Variants in GPATCH2L observed in about 807,000 individuals in gnomAD.
GPATCH2L encodes the protein G patch domain-containing protein 2-like.
A neutral mutation model predicts 57.4 loss-of-function variants in GPATCH2L; 31 were observed. The ratio of observed to expected loss-of-function variants is 0.54; its 90% CI spans 0.41 to 0.73. The LOEUF is 0.73. Among genes scored for constraint, GPATCH2L ranks in the 30% least tolerant of loss-of-function variants. GPATCH2L has a pLI of 0.00. For synonymous variants in GPATCH2L, 199 were observed against 210.7 expected (o/e 0.94, Z 0.48); for missense variants, 481 against 599.9 (o/e 0.80, Z 2.07).
At position 76,171,837 on chromosome 14, in the gene GPATCH2L, CT is replaced by C; in HGVS notation, c.728-3del. On this transcript the variant is annotated splice_polypyrimidine_tract_variant and splice_region_variant and intron_variant, in intron 3 of 9. Transcript: ENST00000261530. Reference sequence around the variant, plus strand: ...TCTAGCTTATGATATGATGTCTTTACTTTAGGTGATGACGAACAGAGTGATT... The same window carrying C: ...TCTAGCTTATGATATGATGTCTTTACTTAGGTGATGACGAACAGAGTGATT... The C allele has an allele frequency of 6.5e-7, 1 of 1,539,624 alleles. No individual in the cohort carries two copies. Among genetic ancestry groups the C allele is most frequent in the Non-Finnish European group, 8.8e-7 (1 of 1,139,936 alleles).
At chr14:76,199,574 G>A (rs2040254228) in intron 9 of GPATCH2L, among the ~76,000 whole-genome samples, 1 of 152,084 alleles carries the variant, frequency 6.6e-6, no homozygotes, top group Non-Finnish European at 1.5e-5. Flanking sequence ...GGAAAATACT[G>A]CACTGTTCTC....
At chr14:76,178,086 C>G (rs376847212) in intron 7 of GPATCH2L, 44 bp downstream of exon 7, 1 of 1,482,972 alleles carries the variant, frequency 6.7e-7, no homozygotes, top group Non-Finnish European at 9.4e-7. Flanking sequence ...CTTGGAGAAC[C>G]GTTTTCTAAG....
chr14:76,175,838 A>T (rs551126954), intron 5 of GPATCH2L: 12 of 152,270 alleles, frequency 7.9e-5, no homozygotes, highest in African/African-American at 2.6e-4. Flanking sequence ...CACGCCCGTG[A>T]CTTGTGTTCT....
At position 76,201,981 on chromosome 14, in the gene GPATCH2L, C is replaced by T. The variant is rs1322929420; in HGVS notation, c.*130C>T. ...TCACCACCAGAACCAACTCCTCTTT[C>T]AAACACAGCAGTGGATTCTTTCTCT... On this transcript the variant is annotated 3_prime_UTR_variant, in exon 10 of 10. Coordinates refer to ENST00000261530, the MANE Select transcript of GPATCH2L (RefSeq NM_017926.4). The T allele has an allele frequency of 1.5e-6, 1 of 666,406 alleles. No individual in the cohort carries two copies. Among genetic ancestry groups the T allele is most frequent in the African/African-American group, 1.9e-5 (1 of 54,002 alleles). 41.3% of individuals were successfully genotyped at this position (666,406 alleles called of 1,614,324 possible). A position where few individuals can be genotyped will look rare whatever the true frequency, so the allele number is the denominator to read the frequency against.
chr14:76,183,262 T>C (rs1197195546), intron 8 of GPATCH2L, among the ~76,000 whole-genome samples: 1 of 152,258 alleles, frequency 6.6e-6, no homozygotes, highest in Non-Finnish European at 1.5e-5. Flanking sequence ...CTACTATGCT[T>C]CTGGTATGCT....
chr14:76,177,295 C>G (rs992258211), intron 6 of GPATCH2L, among the ~76,000 whole-genome samples: 1 of 152,150 alleles, frequency 6.6e-6, no homozygotes, highest in African/African-American at 2.4e-5. Flanking sequence ...ATTTGCACAC[C>G]TTGGCCTCCT....
At chr14:76,214,784 T>C (rs1006001842), downstream of GPATCH2L, among the ~76,000 whole-genome samples, 10 of 152,226 alleles carry the variant, frequency 6.6e-5, no homozygotes, top group Non-Finnish European at 2.9e-5. Context: ...AAACTCTTTT[T>C]GTTTTGCAGC....
chr14:76,173,608 A>G lies in GPATCH2L; in HGVS notation c.967A>G (p.Arg323Gly). The G allele has an allele frequency of 6.2e-7, 1 of 1,609,772 alleles. No homozygotes were observed. Residue 323 changes from arginine to glycine, a missense_variant, in exon 5 of 10, where the codon AGA becomes GGA. Physicochemically the swap from Arg to Gly is moderately radical, Grantham distance 125. Around this residue, in one of 3 missense-constraint regions of GPATCH2L, gnomAD observed 248 missense variants for 270.5 expected, o/e 0.92. Coordinates refer to ENST00000261530, the MANE Select transcript of GPATCH2L (RefSeq NM_017926.4). ...AGCTCGATGCCTCAGAAAGGGGCGA[A>G]GAAGGCTGGTTGGGAAGGTGATACC... ...AAARCLRKGR[R>G]RLVGKETSIN...
chr14:76,217,163 TG>T (rs1273486725), downstream of GPATCH2L, among the ~76,000 whole-genome samples: 1 of 152,182 alleles, frequency 6.6e-6, no homozygotes, highest in Non-Finnish European at 1.5e-5. Context: ...CAAATCTGAC[TG>T]GCCCAAGGCC....
intron 1 of GPATCH2L, among the ~76,000 whole-genome samples, chr14:76,226,311 A>C (rs1595014400): frequency 6.6e-6 from 1 of 152,372 alleles, no homozygotes; most frequent in East Asian, 1.9e-4. Flanking sequence ...ACACGTATGA[A>C]TCTCAGAATT....
intron 8 of GPATCH2L, among the ~76,000 whole-genome samples, chr14:76,188,045 G>T (rs1414684340): frequency 6.6e-6 from 1 of 151,962 alleles, no homozygotes; most frequent in Non-Finnish European, 1.5e-5. Context: ...CAAATAACAG[G>T]ATCTCATTCT....
At chr14:76,155,824 T>G (rs899768664) in intron 2 of GPATCH2L, among the ~76,000 whole-genome samples, 2 of 152,218 alleles carry the variant, frequency 1.3e-5, no homozygotes, top group African/African-American at 4.8e-5. Context: ...GATGGGACAA[T>G]TCTTTATGGT....
chr14:76,167,492 G>A (rs946750398), intron 3 of GPATCH2L, among the ~76,000 whole-genome samples: 6 of 152,178 alleles, frequency 3.9e-5, no homozygotes, highest in South Asian at 4.1e-4. Flanking sequence ...AAGGACAGAC[G>A]TAGTGGCTAC....
intron 2 of GPATCH2L, among the ~76,000 whole-genome samples, chr14:76,233,766 T>G (rs2040585779): frequency 6.6e-6 from 1 of 152,244 alleles, no homozygotes; most frequent in African/African-American, 2.4e-5. Context: ...GTATTGAAAT[T>G]TCCAATTGTT....
At chr14:76,220,586 T>G (rs2040509859) in intron 1 of GPATCH2L, among the ~76,000 whole-genome samples, 1 of 152,100 alleles carries the variant, frequency 6.6e-6, no homozygotes, top group African/African-American at 2.4e-5. Flanking sequence ...AATAATAAAT[T>G]TAACCTAATT....
chr14:76,233,162 A>G (rs921490466), intron 2 of GPATCH2L, among the ~76,000 whole-genome samples: 1 of 152,196 alleles, frequency 6.6e-6, no homozygotes, highest in African/African-American at 2.4e-5. Context: ...TCTTAGGGTA[A>G]ATTATTGGGA....
At chr14:76,187,025 G>GTTTTTTTTTTTTTT in intron 8 of GPATCH2L, among the ~76,000 whole-genome samples, 1 of 147,938 alleles carries the variant, frequency 6.8e-6, no homozygotes, top group African/African-American at 2.5e-5. Flanking sequence ...ATTGTGAAGT[G>GTTTTTTTTTTTTTT]TTTTTTTTTT....
intron 8 of GPATCH2L, among the ~76,000 whole-genome samples, chr14:76,185,677 C>T (rs1328865736): frequency 6.6e-6 from 1 of 152,174 alleles, no homozygotes; most frequent in Non-Finnish European, 1.5e-5. Context: ...TCTTTAAGCT[C>T]TGAAATAGCA....
Position 76,180,707 on chromosome 14 carries a change from T to C in GPATCH2L, c.1108-57T>C, listed in dbSNP as rs182714764. On this transcript the variant is annotated intron_variant, in intron 7 of 9. Transcript: ENST00000261530. ...AAGTAATCAAATGTAGGTTACCCTT[T>C]AGGATCAGGTCCGTTTCATGTAAGC... The C allele has an allele frequency of 3.9e-5, 43 of 1,102,772 alleles. 1 individual carries two copies. In the African/African-American group the frequency reaches 5.8e-4, roughly 15 times the overall value. The allele number at this position is 1,102,772 out of a possible 1,614,324, so 68.3% of individuals were successfully genotyped here.
Sources: allele counts gnomAD v4.1 joint callset (sites outside exome capture counted in the v4.1 genomes callset), GRCh38; gene constraint gnomAD v4.1.1; regional missense constraint gnomAD v4.1.1; transcripts MANE v1.5; gene names NCBI Gene and HGNC (gene_info 2026-07-23, HGNC 2026-07-21).